Variants in MTOR observed in about 807,000 individuals in gnomAD.
MTOR encodes mechanistic target of rapamycin kinase, also known as serine/threonine-protein kinase mTOR.
In MTOR, 70 loss-of-function variants were observed where a neutral mutation model predicts 319.8. The observed-to-expected ratio is 0.22, with a 90% CI of 0.18 to 0.27. The LOEUF (loss-of-function observed/expected upper bound fraction) is 0.27. Ranked by LOEUF, MTOR falls within the 10% of genes least tolerant of loss-of-function variation. The probability of loss-of-function intolerance (pLI) is 1.00; values close to 1 mark genes in which losing one functional copy is unlikely to be tolerated. For missense variants in MTOR, 1,890 were observed against 3,274.4 expected, an observed-to-expected ratio of 0.58 and a Z score of 10.32; for synonymous variants, 1,183 against 1,211.4, an observed-to-expected ratio of 0.98 and a Z score of 0.49.
intron 29 of MTOR, among the ~76,000 whole-genome samples, chr1:11,159,305 T>C (rs1171398313): frequency 1.3e-5 from 2 of 152,196 alleles, no homozygotes; most frequent in African/African-American, 4.8e-5. Context: ...TTCTTTCACT[T>C]TGCCATCATC....
Position 11,157,309 on chromosome 1 carries a change from A to C in MTOR, c.4330-18T>G. On this transcript the variant is annotated intron_variant, in intron 29 of 57. Transcript: ENST00000361445. ...TGGATCTCCTGTTACATGGGAAAGA[A>C]AGACTGCTGTGAGGTACACAGAAGA... is the stretch of plus-strand genomic sequence containing the variant. 1 of 1,610,762 alleles carries C rather than the reference A, an allele frequency of 6.2e-7. No homozygotes were observed.
intron 19 of MTOR, among the ~76,000 whole-genome samples, chr1:11,224,594 G>C (rs1646771095): frequency 2.0e-5 from 3 of 152,240 alleles, no homozygotes; most frequent in South Asian, 2.1e-4. Flanking sequence ...GTAAAACCCT[G>C]TCCATAACGT....
At chr1:11,168,132 GTC>G (rs1378621620) in intron 28 of MTOR, among the ~76,000 whole-genome samples, 1 of 150,930 alleles carries the variant, frequency 6.6e-6, no homozygotes, top group African/African-American at 2.4e-5. Context: ...GGCAACATGT[GTC>G]TGTTTCTGAA....
Position 11,210,833 on chromosome 1 carries a change from A to G in MTOR, c.3635T>C (p.Leu1212Pro). The change falls in exon 24 of 58, where the codon CTC becomes CCC. Residue 1212 changes from leucine to proline, a missense_variant. Transcript: ENST00000361445. Reference sequence around the variant, plus strand: ...GTTCACCTTGACAATTCTGCAGATGAGCACATCATAGCGCTGATGATTGAT... The same window carrying G: ...GTTCACCTTGACAATTCTGCAGATGGGCACATCATAGCGCTGATGATTGAT... ...HRINHQRYDV[L>P]ICRIVKGYTL... 1 of 1,612,530 alleles carries G rather than the reference A, an allele frequency of 6.2e-7. No individual in the cohort carries two copies. Among genetic ancestry groups the G allele is most frequent in the Non-Finnish European group, 8.5e-7 (1 of 1,179,124 alleles).
chr1:11,114,187 G>T (rs1034834683), intron 53 of MTOR, 131 bp downstream of exon 53: 2 of 1,071,066 alleles, frequency 1.9e-6, no homozygotes, highest in Non-Finnish European at 2.7e-6. Context: ...GCAGAAAGGG[G>T]TCTTACTATG....
At position 11,248,042 on chromosome 1, in the gene MTOR, T is replaced by C. The variant is rs1649078772; in HGVS notation, c.893A>G (p.Lys298Arg). ...GAAGCCCATGAGATCTTTGCAGTAC[T>C]TGTCGTGTACCAGCTGCTGCTGTGT... ...EITQQQLVHD[K>R]YCKDLMGFGT... The change falls in exon 7 of 58, where the codon AAG becomes AGG. Residue 298 changes from lysine (K) to arginine (R), a missense_variant. Transcript: ENST00000361445. 2 of 1,613,714 alleles carry C rather than the reference T, an allele frequency of 1.2e-6. No homozygotes were observed. Among genetic ancestry groups the C allele is most frequent in the African/African-American group, 1.3e-5 (1 of 74,932 alleles).
Position 11,233,477 on chromosome 1 carries a change from A to G in MTOR, c.2342T>C (p.Leu781Ser). Residue 781 changes from leucine (L) to serine (S), a missense_variant, in exon 15 of 58, where the codon TTG becomes TCG. Leu to Ser is a moderately radical substitution (Grantham distance 145). Around this residue, in one of 15 missense-constraint regions of MTOR, gnomAD observed 377 missense variants for 653.9 expected, o/e 0.58. Transcript: ENST00000361445. ...ATCAGGGTCTGGATCTTTCAGTTTC[A>G]AAATTAATGCCTAGAGAAAGAAGTT... is the stretch of plus-strand genomic sequence containing the variant. Reference protein sequence around the residue: ...YMEPILKALILKLKDPDPDPN... With the variant: ...YMEPILKALISKLKDPDPDPN... The G allele has an allele frequency of 6.2e-7, 1 of 1,613,790 alleles. No homozygotes were observed. Among genetic ancestry groups the G allele is most frequent in the South Asian group, 1.1e-5 (1 of 91,084 alleles).
In MTOR at chr1:11,115,721, C is replaced by A; in HGVS notation, c.7017-253G>T. On this transcript the variant is annotated intron_variant, in intron 50 of 57. Transcript: ENST00000361445. This position sits in a 1 kb window ranked among gnomAD's most constrained non-coding sequence, Gnocchi z 4.5. ...GTTGTGACAGAGACCAAAGGGCCCA[C>A]AAAGCCTAAAACGACCTATTAACTG... is the stretch of plus-strand genomic sequence containing the variant. 1 of 458,754 alleles carries A rather than the reference C, an allele frequency of 2.2e-6. No individual in the cohort carries two copies. Among genetic ancestry groups the A allele is most frequent in the East Asian group, 3.4e-5 (1 of 29,232 alleles). 28.4% of individuals were successfully genotyped at this position (458,754 alleles called of 1,614,324 possible).
intron 50 of MTOR, among the ~76,000 whole-genome samples, chr1:11,116,205 T>G (rs1353625261): frequency 6.6e-6 from 1 of 152,242 alleles, no homozygotes. Context: ...TGCAAAAATA[T>G]CAGAAGGATC....
At chr1:11,183,680 A>G (rs1213938090) in intron 28 of MTOR, among the ~76,000 whole-genome samples, 1 of 152,076 alleles carries the variant, frequency 6.6e-6, no homozygotes, top group East Asian at 1.9e-4. Flanking sequence ...AAGCCACTTA[A>G]TCTCCTACGT....
intron 28 of MTOR, chr1:11,195,163 A>G: frequency 1.1e-6 from 1 of 951,140 alleles, no homozygotes; most frequent in Middle Eastern, 3.4e-4. Context: ...ATAAGTCTCC[A>G]AGGAGCACAA....
chr1:11,208,045 G>A lies in MTOR; in HGVS notation c.3801+1267C>T, dbSNP rs557825290. On this transcript the variant is annotated intron_variant, in intron 25 of 57. Coordinates refer to ENST00000361445, the MANE Select transcript of MTOR (RefSeq NM_004958.4). Reference sequence around the variant, plus strand: ...TCTAAAGCAGGGTGGACGGCTGCCTGGTTGGAAGGACATTCTGAACCTAGT... The same window carrying A: ...TCTAAAGCAGGGTGGACGGCTGCCTAGTTGGAAGGACATTCTGAACCTAGT... Among the ~76,000 whole-genome samples, 84 of 152,246 alleles carry A rather than the reference G, an allele frequency of 5.5e-4. 1 individual carries two copies. The South Asian group carries it at 0.014, about 25-fold the overall frequency.
intron 28 of MTOR, among the ~76,000 whole-genome samples, chr1:11,173,778 T>C (rs1644899302): frequency 1.3e-5 from 2 of 152,328 alleles, no homozygotes; most frequent in African/African-American, 2.4e-5. Flanking sequence ...ATACTAATTA[T>C]GGATGTGGAT....
chr1:11,234,307 C>T, intron 13 of MTOR, 42 bp from the exon 14 acceptor site: 1 of 1,564,514 alleles, frequency 6.4e-7, no homozygotes, highest in Non-Finnish European at 8.6e-7. Flanking sequence ...TGGCAGAAGA[C>T]ATTCTAGAGA....
At position 11,200,563 on chromosome 1, in the gene MTOR, C is replaced by G. The variant is rs143203172; in HGVS notation, c.3945-860G>C. On this transcript the variant is annotated intron_variant, in intron 26 of 57. Transcript: ENST00000361445. ...GGAAATGGGAAAAAACAGGATATAC[C>G]TACAATGGATAGATTTAGCATTTGA... 1.9e-3 allele frequency among the ~76,000 whole-genome samples: 284 copies of G among 152,240 alleles called. 3 individuals are homozygous for G. Among genetic ancestry groups the G allele is most frequent in the African/African-American group, 6.6e-3 (274 of 41,516 alleles).
intron 36 of MTOR, among the ~76,000 whole-genome samples, chr1:11,134,904 C>T (rs1046789535): frequency 4.6e-5 from 7 of 152,132 alleles, no homozygotes; most frequent in Non-Finnish European, 8.8e-5. Context: ...TCCAGCGGAG[C>T]AAAAACTATG....
intron 19 of MTOR, among the ~76,000 whole-genome samples, chr1:11,219,026 T>C (rs972100462): frequency 1.3e-5 from 2 of 151,996 alleles, no homozygotes; most frequent in Non-Finnish European, 2.9e-5. Context: ...CTGAGCAACA[T>C]GGCAAAACCT....
intron 28 of MTOR, among the ~76,000 whole-genome samples, chr1:11,190,152 T>C (rs942650920): frequency 3.9e-5 from 6 of 152,214 alleles, no homozygotes; most frequent in African/African-American, 1.4e-4. Flanking sequence ...GTCTCTTTTA[T>C]CCACACAGTG....
At chr1:11,204,744 A>G in intron 25 of MTOR, 41 bp from the exon 26 acceptor site, 1 of 1,593,584 alleles carries the variant, frequency 6.3e-7, no homozygotes, top group Non-Finnish European at 8.6e-7. Flanking sequence ...ATCAGTTTCA[A>G]GGGCCAATTG....
Sources: gnomAD v4.1 joint callset for allele counts (sites outside exome capture counted in the v4.1 genomes callset) on GRCh38, gnomAD v4.1.1 for gene constraint, gnomAD v4.1.1 regional missense constraint, Gnocchi (gnomAD v3.1) non-coding constraint, MANE v1.5 for transcripts, NCBI Gene and HGNC (gene_info 2026-07-23, HGNC 2026-07-21) for gene names.